B3GALT5: variants seen among roughly 807,000 people sequenced by gnomAD.
B3GALT5 encodes the protein beta-1,3-galactosyltransferase 5, also known as UDP-Gal:betaGlcNAc beta 1,3-galactosyltransferase, polypeptide 5.
For synonymous variants in B3GALT5, 156 were observed against 158.6 expected (o/e 0.98, Z 0.12); for missense variants, 328 against 396.6 (o/e 0.83, Z 1.47).
chr21:39,636,485 C>T (rs2079228428), intron 1 of B3GALT5, among the ~76,000 whole-genome samples: 1 of 152,040 alleles, frequency 6.6e-6, no homozygotes, highest in South Asian at 2.1e-4. Context: ...AAATCCAACC[C>T]CCCTGTTGTT....
intron 1 of B3GALT5, among the ~76,000 whole-genome samples, chr21:39,624,918 G>C (rs546556250): frequency 6.6e-6 from 1 of 151,398 alleles, no homozygotes; most frequent in South Asian, 2.1e-4. Context: ...CTGAGACTCA[G>C]TTTACCATCT....
chr21:39,655,339 G>A (rs1204235927), intron 2 of B3GALT5, among the ~76,000 whole-genome samples: 1 of 152,222 alleles, frequency 6.6e-6, no homozygotes, highest in Admixed American at 6.5e-5. Context: ...CAGAAAAGCT[G>A]GCACATAACA....
At chr21:39,649,238 A>C (rs944127231) in intron 2 of B3GALT5, among the ~76,000 whole-genome samples, 2 of 152,166 alleles carry the variant, frequency 1.3e-5, no homozygotes, top group African/African-American at 4.8e-5. Flanking sequence ...GAGAAGGACC[A>C]TGGGCCCCCT....
At position 39,662,857 on chromosome 21, in the gene B3GALT5, T is replaced by G. The variant is rs2079542427; in HGVS notation, c.*1365T>G. 6.0e-6 allele frequency: 1 copy of G among 166,874 alleles called. No homozygotes were observed. The highest frequency in any genetic ancestry group is 6.5e-5 in the Admixed American group (1 of 15,292). 10.3% of individuals were successfully genotyped at this position (166,874 alleles called of 1,614,324 possible). ...ACTCAGAGAAGAGGCCTCACATGGC[T>G]GTGTCACATATAAATGTTGGACTAA... On this transcript the variant is annotated 3_prime_UTR_variant, in exon 4 of 4. Transcript: ENST00000684187.
At chr21:39,644,127 A>G (rs1188484941) in intron 1 of B3GALT5, among the ~76,000 whole-genome samples, 2 of 152,136 alleles carry the variant, frequency 1.3e-5, no homozygotes, top group African/African-American at 4.8e-5. Flanking sequence ...GTAAATGGTC[A>G]TTCATGCCTT....
intron 1 of B3GALT5, among the ~76,000 whole-genome samples, chr21:39,622,852 T>G (rs901729680): frequency 2.6e-5 from 4 of 151,868 alleles, no homozygotes; most frequent in African/African-American, 9.7e-5. Flanking sequence ...TTTTACTTCT[T>G]TTGCTGGTTT....
At chr21:39,652,381 G>A (rs1725500123) in intron 2 of B3GALT5, among the ~76,000 whole-genome samples, 1 of 152,258 alleles carries the variant, frequency 6.6e-6, no homozygotes. Context: ...TTGTTAGGAC[G>A]GAAATAATTA....
chr21:39,644,955 T>C (rs1341170766), intron 1 of B3GALT5, among the ~76,000 whole-genome samples: 2 of 152,104 alleles, frequency 1.3e-5, no homozygotes, highest in Non-Finnish European at 2.9e-5. Flanking sequence ...TCACTCTTCT[T>C]ATACTGCCAG....
At chr21:39,657,320 A>T (rs940765967) in intron 2 of B3GALT5, 1 of 152,344 alleles carries the variant, frequency 6.6e-6, no homozygotes, top group Non-Finnish European at 1.5e-5. Flanking sequence ...GGCACCATCC[A>T]TTGACTGGGC....
At chr21:39,645,765 A>G (rs1475151428) in intron 1 of B3GALT5, among the ~76,000 whole-genome samples, 1 of 152,104 alleles carries the variant, frequency 6.6e-6, no homozygotes, top group African/African-American at 2.4e-5. Context: ...GAGAAACACC[A>G]CACCCCAAGG....
chr21:39,661,651 T>C lies in B3GALT5; in HGVS notation c.*159T>C, dbSNP rs1330574526. 12 of 674,454 alleles carry C rather than the reference T, an allele frequency of 1.8e-5. No homozygotes were observed. Among genetic ancestry groups the C allele is most frequent in the Non-Finnish European group, 2.8e-5 (12 of 435,884 alleles). The allele number at this position is 674,454 out of a possible 1,614,324, so 41.8% of individuals were successfully genotyped here. ...ATGAAGTCACTGATTAGTTCCCACT[T>C]GGTGCCCCAGGCAATAATAGGCCCG... On this transcript the variant is annotated 3_prime_UTR_variant, in exon 4 of 4. Transcript: ENST00000684187. The surrounding 1 kb of genome is among the most constrained non-coding windows in gnomAD (Gnocchi z 4.7).
intron 1 of B3GALT5, among the ~76,000 whole-genome samples, chr21:39,629,708 G>A (rs2079182024): frequency 6.6e-6 from 1 of 152,108 alleles, no homozygotes; most frequent in Non-Finnish European, 1.5e-5. Context: ...TAAATAATCT[G>A]TTATTGCAGA....
At chr21:39,614,175 G>A (rs1346582353) in intron 1 of B3GALT5, among the ~76,000 whole-genome samples, 1 of 152,136 alleles carries the variant, frequency 6.6e-6, no homozygotes, top group Non-Finnish European at 1.5e-5. Context: ...CTTTTGTGGT[G>A]TTTCCTCTTT....
chr21:39,659,574 G>T (rs538127432), intron 2 of B3GALT5, among the ~76,000 whole-genome samples, 179 bp from the exon 3 acceptor site: 1 of 152,168 alleles, frequency 6.6e-6, no homozygotes, highest in Non-Finnish European at 1.5e-5. Context: ...TGTGGACTTT[G>T]TTTGCCTTGA....
intron 1 of B3GALT5, among the ~76,000 whole-genome samples, chr21:39,644,661 T>C (rs609145): frequency 1.2e-4 from 18 of 152,152 alleles, no homozygotes; most frequent in African/African-American, 4.3e-4. Flanking sequence ...GTGTTCTTGT[T>C]ATGCACAAGG....
At chr21:39,620,091 G>A (rs1020128112) in intron 1 of B3GALT5, among the ~76,000 whole-genome samples, 1 of 152,232 alleles carries the variant, frequency 6.6e-6, no homozygotes, top group Non-Finnish European at 1.5e-5. Context: ...CTCCCAGAGT[G>A]CTGGGATTAC....
chr21:39,670,633 A>T lies in B3GALT5; in HGVS notation c.*9141A>T, dbSNP rs1372817756. 1 of 152,200 alleles carries T rather than the reference A, an allele frequency of 6.6e-6. No homozygotes were observed. Among genetic ancestry groups the T allele is most frequent in the African/African-American group, 2.4e-5 (1 of 41,452 alleles). 9.4% of individuals were successfully genotyped at this position (152,200 alleles called of 1,614,324 possible). A position where few individuals can be genotyped will look rare whatever the true frequency, so the allele number is the denominator to read the frequency against. ...ATTTAGAAAGAGTGAAATAAAGTGA[A>T]ACAGATCAACCAGCCTATTGAGTAT... is the stretch of plus-strand genomic sequence containing the variant. On this transcript the variant is annotated 3_prime_UTR_variant, in exon 4 of 4. Coordinates refer to ENST00000684187, the MANE Select transcript of B3GALT5 (RefSeq NM_001356336.2).
chr21:39,639,402 T>TCTC (rs2079265941), intron 1 of B3GALT5, among the ~76,000 whole-genome samples: 1 of 53,304 alleles, frequency 1.9e-5, no homozygotes, highest in Non-Finnish European at 3.6e-5. Flanking sequence ...TTCTTTCTTT[T>TCTC]TCTTTCTTTC....
At chr21:39,641,975 A>C (rs1295204789) in intron 1 of B3GALT5, among the ~76,000 whole-genome samples, 1 of 152,210 alleles carries the variant, frequency 6.6e-6, no homozygotes, top group African/African-American at 2.4e-5. Flanking sequence ...AAGTAGAATT[A>C]ATGATCTCCA....
Sources: gnomAD v4.1 joint callset for allele counts (sites outside exome capture counted in the v4.1 genomes callset) on GRCh38, gnomAD v4.1.1 for gene constraint, Gnocchi (gnomAD v3.1) non-coding constraint, MANE v1.5 for transcripts, NCBI Gene and HGNC (gene_info 2026-07-23, HGNC 2026-07-21) for gene names.